The following DGKH variants were observed in gnomAD, a reference collection of about 807,000 sequenced individuals.
DGKH encodes the protein DAG kinase eta.
Under a neutral mutation model 159.3 loss-of-function variants are expected in DGKH, and 90 were observed. That is an observed-to-expected ratio of 0.57 (90% CI 0.48 to 0.67). The LOEUF is 0.67. Among genes scored for constraint, DGKH ranks in the 30% least tolerant of loss-of-function variants. The pLI is 0.00. For missense variants in DGKH, 1,181 were observed against 1,506.1 expected (o/e 0.78, Z 3.57); for synonymous variants, 536 against 553.8 (o/e 0.97, Z 0.45).
At chr13:42,043,467 G>A (rs1397611848) in intron 1 of DGKH, among the ~76,000 whole-genome samples, 1 of 151,760 alleles carries the variant, frequency 6.6e-6, no homozygotes, top group East Asian at 1.9e-4. Context: ...AGCCTCCTGA[G>A]TAGCTAGGAC....
intron 1 of DGKH, among the ~76,000 whole-genome samples, chr13:42,106,009 T>A (rs1240364049): frequency 1.3e-5 from 2 of 152,176 alleles, no homozygotes; most frequent in East Asian, 3.9e-4. Flanking sequence ...TTTTTTTTTT[T>A]TAATTTTTTT....
chr13:42,220,713 T>C (rs1157191094), intron 28 of DGKH, among the ~76,000 whole-genome samples: 1 of 152,226 alleles, frequency 6.6e-6, no homozygotes, highest in Non-Finnish European at 1.5e-5. Context: ...TATGGACTTT[T>C]TAAATGATAT....
At chr13:42,225,998 C>T (rs1034746114) in intron 29 of DGKH, among the ~76,000 whole-genome samples, 2 of 151,960 alleles carry the variant, frequency 1.3e-5, no homozygotes, top group Non-Finnish European at 1.5e-5. Flanking sequence ...AAACTATAAT[C>T]AGAGCGAACA....
intron 3 of DGKH, among the ~76,000 whole-genome samples, chr13:42,144,079 T>C (rs1955653657): frequency 6.6e-6 from 1 of 152,190 alleles, no homozygotes; most frequent in Non-Finnish European, 1.5e-5. Flanking sequence ...AACCATCTCA[T>C]TGAAACAGCA....
intron 2 of DGKH, 48 bp from the exon 3 acceptor site, chr13:42,129,504 G>T: frequency 6.8e-7 from 1 of 1,480,186 alleles, no homozygotes; most frequent in Non-Finnish European, 9.3e-7. Flanking sequence ...GAAGAGCATT[G>T]AGTTAGGTTT....
chr13:42,150,595 G>A (rs145628854), intron 3 of DGKH, among the ~76,000 whole-genome samples: 2 of 152,074 alleles, frequency 1.3e-5, no homozygotes, highest in Non-Finnish European at 2.9e-5. Context: ...CAAAATCAGA[G>A]CCCCATTAAG....
Position 42,166,137 on chromosome 13 carries a change from A to G in DGKH, c.959-378A>G, listed in dbSNP as rs531781729. On this transcript the variant is annotated intron_variant, in intron 8 of 29. Coordinates refer to ENST00000337343, the MANE Select transcript of DGKH (RefSeq NM_178009.5). ...CAAACTTTTTAATTTATGCCAATAG[A>G]TATCTTAGATATAAGTTTATAAACC... Among the ~76,000 whole-genome samples, 4 of 152,204 alleles carry G rather than the reference A, an allele frequency of 2.6e-5. No homozygotes were observed. The East Asian group carries it at 7.7e-4, about 29-fold the overall frequency.
chr13:42,143,067 T>G (rs1320580325), intron 3 of DGKH, among the ~76,000 whole-genome samples: 1 of 151,904 alleles, frequency 6.6e-6, no homozygotes, highest in Non-Finnish European at 1.5e-5. Context: ...TTGAGATACA[T>G]CCCATCAATA....
At chr13:42,097,761 C>T (rs1462919071) in intron 1 of DGKH, among the ~76,000 whole-genome samples, 3 of 152,122 alleles carry the variant, frequency 2.0e-5, no homozygotes, top group African/African-American at 7.2e-5. Context: ...TGCAGCTTTC[C>T]AGAGGTGAAG....
Position 42,214,603 on chromosome 13 carries a change from G to A in DGKH, c.3111G>A (p.Arg1037=). Residue 1037 remains arginine (R), a synonymous_variant, in exon 25 of 30, where the codon AGG becomes AGA. Coordinates refer to ENST00000337343, the MANE Select transcript of DGKH (RefSeq NM_178009.5). ...ATGCCCTGAATAAAGCCAACCCAAG[G>A]TGCCCGGAGGTGAGGATCTAATGGT... ...CSHALNKANP[R]CPESLTRDTA... is the part of the protein sequence containing the mutation. The A allele has an allele frequency of 6.2e-7, 1 of 1,613,136 alleles. No homozygotes were observed. Among genetic ancestry groups the A allele is most frequent in the Non-Finnish European group, 8.5e-7 (1 of 1,179,558 alleles).
intron 5 of DGKH, among the ~76,000 whole-genome samples, chr13:42,158,746 A>G (rs536503432): frequency 1.3e-5 from 2 of 152,294 alleles, no homozygotes; most frequent in South Asian, 4.1e-4. Context: ...TCTTGTTGGT[A>G]TACTTGCACT....
chr13:42,040,254 C>G (rs1054934347), intron 1 of DGKH: 1 of 152,200 alleles, frequency 6.6e-6, no homozygotes, highest in Non-Finnish European at 1.5e-5. Flanking sequence ...GAGCGAGAGA[C>G]AGGGGCGCTG....
chr13:42,090,814 A>T (rs1455717819), intron 1 of DGKH, among the ~76,000 whole-genome samples: 1 of 152,118 alleles, frequency 6.6e-6, no homozygotes, highest in Non-Finnish European at 1.5e-5. Context: ...TAAAGAGGTG[A>T]TTGAGCCATG....
chr13:42,244,757 A>G (rs954737541), downstream of DGKH, among the ~76,000 whole-genome samples: 41 of 151,136 alleles, frequency 2.7e-4, no homozygotes, highest in Non-Finnish European at 5.8e-4. Flanking sequence ...ACAAAAAATT[A>G]GCCGGGCGTA....
intron 1 of DGKH, among the ~76,000 whole-genome samples, chr13:42,053,378 A>G (rs1207381794): frequency 6.8e-6 from 1 of 147,690 alleles, no homozygotes; most frequent in Non-Finnish European, 1.5e-5. Flanking sequence ...ATATATAACT[A>G]TATATAACTA....
intron 29 of DGKH, among the ~76,000 whole-genome samples, chr13:42,225,839 C>G (rs551161243): frequency 6.7e-6 from 1 of 149,696 alleles, no homozygotes; most frequent in Admixed American, 6.6e-5. Context: ...AAAGATAGAA[C>G]AAATGTCACA....
chr13:42,228,816 T>C (rs1053215269), intron 29 of DGKH, among the ~76,000 whole-genome samples: 14 of 152,170 alleles, frequency 9.2e-5, no homozygotes, highest in African/African-American at 3.1e-4. Flanking sequence ...GTTAAGAGTT[T>C]ATGTAGAATG....
chr13:42,094,413 A>G (rs900777963), intron 1 of DGKH, among the ~76,000 whole-genome samples: 2 of 152,144 alleles, frequency 1.3e-5, no homozygotes, highest in Admixed American at 1.3e-4. Flanking sequence ...CATTTTTTTC[A>G]ATCATAAATT....
intron 14 of DGKH, 33 bp from the exon 15 acceptor site, chr13:42,189,003 A>G: frequency 6.3e-7 from 1 of 1,587,274 alleles, no homozygotes; most frequent in Non-Finnish European, 8.6e-7. Flanking sequence ...ATTCTTTTTG[A>G]GTATTTTTCT....
Sources: allele counts gnomAD v4.1 joint callset (sites outside exome capture counted in the v4.1 genomes callset), GRCh38; gene constraint gnomAD v4.1.1; transcripts MANE v1.5; gene names NCBI Gene and HGNC (gene_info 2026-07-23, HGNC 2026-07-21).